The following MCTP2 variants were observed in gnomAD, a reference collection of about 807,000 sequenced individuals.
MCTP2 encodes multiple C2 and transmembrane domain-containing protein 2.
In MCTP2, 132 loss-of-function variants were observed where a neutral mutation model predicts 111.6. The observed-to-expected ratio is 1.18, with a 90% CI of 1.03 to 1.37. MCTP2 has a LOEUF of 1.37. Ranked by LOEUF, MCTP2 falls within the 40% of genes most tolerant of loss-of-function variation. The pLI is 0.00. For synonymous variants in MCTP2, 395 were observed against 387.7 expected (o/e 1.02, Z -0.22); for missense variants, 1,183 against 1,067.9 (o/e 1.11, Z -1.50).
At chr15:94,466,830 A>ATAT (rs1555482192) in intron 20 of MCTP2, among the ~76,000 whole-genome samples, 3 of 151,292 alleles carry the variant, frequency 2.0e-5, no homozygotes, top group African/African-American at 7.3e-5. Flanking sequence ...TTTTCTGTTG[A>ATAT]TATTAGTATT....
intron 8 of MCTP2, among the ~76,000 whole-genome samples, chr15:94,354,428 A>G (rs1307300634): frequency 6.6e-6 from 1 of 152,146 alleles, no homozygotes; most frequent in Non-Finnish European, 1.5e-5. Context: ...ATAGATTCTC[A>G]TGAGTTCTCT....
intron 17 of MCTP2, among the ~76,000 whole-genome samples, chr15:94,429,924 A>G (rs1328612167): frequency 1.3e-5 from 2 of 152,126 alleles, no homozygotes; most frequent in Non-Finnish European, 2.9e-5. Flanking sequence ...AAGTTTTTCA[A>G]GCTCTTAATC....
intron 17 of MCTP2, among the ~76,000 whole-genome samples, chr15:94,417,607 T>C (rs1480073926): frequency 2.0e-5 from 3 of 152,116 alleles, no homozygotes; most frequent in Admixed American, 6.6e-5. Flanking sequence ...TGGACTCCTC[T>C]TGATCAGAAT....
chr15:94,426,141 TGAGAGAGAGAGAGAGAGA>T (rs10603478), intron 17 of MCTP2, among the ~76,000 whole-genome samples: 8 of 140,938 alleles, frequency 5.7e-5, no homozygotes, highest in African/African-American at 7.9e-5. Flanking sequence ...AGAGAGAGAT[TGAGAGAGAGAGAGAGAGA>T]GAGAGAGAGA....
At chr15:94,412,930 G>A (rs564774084) in intron 17 of MCTP2, among the ~76,000 whole-genome samples, 33 of 152,152 alleles carry the variant, frequency 2.2e-4, no homozygotes, top group African/African-American at 7.2e-4. Flanking sequence ...GCCGACTGTG[G>A]CCTCATTAAC....
intron 17 of MCTP2, among the ~76,000 whole-genome samples, chr15:94,404,366 A>G (rs1466309820): frequency 6.8e-6 from 1 of 147,798 alleles, no homozygotes; most frequent in Non-Finnish European, 1.5e-5. Flanking sequence ...CAGAGGCACG[A>G]TCTTGGCTCA....
In MCTP2 at chr15:94,344,415, C is replaced by A. The variant is rs562849860; in HGVS notation, c.970-714C>A. On this transcript the variant is annotated intron_variant, in intron 7 of 22. Coordinates refer to ENST00000357742, the MANE Select transcript of MCTP2 (RefSeq NM_001385001.1). The stretch of plus-strand genomic sequence containing the variant: ...CCCAAATTTATCCAAGTTGTAACAA[C>A]CAGTTAGCTTGTTAACCAGCCACAG... Among the ~76,000 whole-genome samples, 17 of 152,244 alleles carry A rather than the reference C, an allele frequency of 1.1e-4. No homozygotes were observed. In the South Asian group the frequency reaches 3.3e-3, roughly 30 times the overall value.
chr15:94,379,847 A>G (rs1181901466), intron 12 of MCTP2, among the ~76,000 whole-genome samples: 1 of 138,858 alleles, frequency 7.2e-6, no homozygotes, highest in Non-Finnish European at 1.5e-5. Flanking sequence ...ATTATATATG[A>G]TATATATATA....
At chr15:94,465,192 C>A (rs2073162534) in intron 20 of MCTP2, among the ~76,000 whole-genome samples, 1 of 151,960 alleles carries the variant, frequency 6.6e-6, no homozygotes, top group South Asian at 2.1e-4. Flanking sequence ...ATGAAGCAAC[C>A]TATTTCTTGC....
rs755126178 is a variant in MCTP2, at chr15:94,479,250, G to A, written c.*216G>A. On this transcript the variant is annotated 3_prime_UTR_variant, in exon 23 of 23. Transcript: ENST00000357742. ...TAGTTGCGTAGAGGGTCAGCCCAGC[G>A]AAAAGCAACAACCCCAAGACTGTGA... The A allele has an allele frequency of 2.4e-5, 14 of 580,246 alleles. No individual in the cohort carries two copies. The highest frequency in any genetic ancestry group is 7.4e-5 in the African/African-American group (4 of 53,764). The allele number at this position is 580,246 out of a possible 1,614,324, so 35.9% of individuals were successfully genotyped here.
intron 1 of MCTP2, chr15:94,273,922 C>A (rs371492401): frequency 1.7e-5 from 4 of 240,634 alleles, no homozygotes; most frequent in South Asian, 7.7e-5. Context: ...AGAAAAAATT[C>A]TTGAATGCAA....
chr15:94,370,014 C>A, intron 11 of MCTP2, 73 bp from the exon 12 acceptor site: 1 of 906,982 alleles, frequency 1.1e-6, no homozygotes, highest in Non-Finnish European at 1.6e-6. Context: ...GGATGCACTT[C>A]CTATAGGACT....
intron 12 of MCTP2, among the ~76,000 whole-genome samples, chr15:94,375,184 C>T (rs1007864501): frequency 6.6e-6 from 1 of 152,094 alleles, no homozygotes; most frequent in Non-Finnish European, 1.5e-5. Context: ...GGGGATGCTA[C>T]ACACTTTTAA....
chr15:94,361,468 G>T (rs1272726318), intron 10 of MCTP2, among the ~76,000 whole-genome samples: 2 of 152,056 alleles, frequency 1.3e-5, no homozygotes, highest in Admixed American at 6.6e-5. Flanking sequence ...GTGGAGTCTG[G>T]CTCTGTATCT....
intron 12 of MCTP2, among the ~76,000 whole-genome samples, chr15:94,380,707 G>A (rs1021209254): frequency 2.0e-5 from 3 of 151,816 alleles, no homozygotes; most frequent in African/African-American, 7.3e-5. Flanking sequence ...GGCAGAGGCT[G>A]CAGTGAACCA....
chr15:94,417,639 A>G (rs1413481791), intron 17 of MCTP2, among the ~76,000 whole-genome samples: 1 of 152,080 alleles, frequency 6.6e-6, no homozygotes, highest in African/African-American at 2.4e-5. Flanking sequence ...TCCTAACAGC[A>G]TTTCTAAGGG....
At chr15:94,441,767 CAAGCTA>C (rs544832014) in intron 18 of MCTP2, among the ~76,000 whole-genome samples, 1 of 152,160 alleles carries the variant, frequency 6.6e-6, no homozygotes, top group Non-Finnish European at 1.5e-5. Context: ...AACCATGTCC[CAAGCTA>C]AAGACTTCTC....
At chr15:94,456,301 C>T (rs1251650451) in intron 19 of MCTP2, among the ~76,000 whole-genome samples, 1 of 152,150 alleles carries the variant, frequency 6.6e-6, no homozygotes, top group Non-Finnish European at 1.5e-5. Context: ...CAACCAGAAC[C>T]TCACTATTTG....
intron 10 of MCTP2, among the ~76,000 whole-genome samples, chr15:94,361,894 G>A (rs1264652354): frequency 6.6e-6 from 1 of 152,120 alleles, no homozygotes; most frequent in Non-Finnish European, 1.5e-5. Flanking sequence ...AAATCACATT[G>A]GCATGGGTAG....
Sources: allele counts gnomAD v4.1 joint callset (sites outside exome capture counted in the v4.1 genomes callset), GRCh38; gene constraint gnomAD v4.1.1; transcripts MANE v1.5; gene names NCBI Gene and HGNC (gene_info 2026-07-23, HGNC 2026-07-21).